KPNA3: variants seen among roughly 807,000 people sequenced by gnomAD.
KPNA3 encodes the protein karyopherin subunit alpha 3.
KPNA3 carries 13 observed loss-of-function variants against 73.8 expected under a neutral mutation model. The ratio of observed to expected loss-of-function variants is 0.18; its 90% CI spans 0.11 to 0.28. The LOEUF (loss-of-function observed/expected upper bound fraction) is 0.28. Ranked by LOEUF, KPNA3 falls within the 10% of genes least tolerant of loss-of-function variation. The probability of loss-of-function intolerance (pLI) is 1.00; values close to 1 mark genes in which losing one functional copy is unlikely to be tolerated. For missense variants in KPNA3, 360 were observed against 618.1 expected, an observed-to-expected ratio of 0.58 and a Z score of 4.43; for synonymous variants, 186 against 206.9, an observed-to-expected ratio of 0.90 and a Z score of 0.87.
chr13:49,720,034 T>A (rs942914574), intron 9 of KPNA3, among the ~76,000 whole-genome samples: 5 of 152,160 alleles, frequency 3.3e-5, no homozygotes, highest in African/African-American at 1.2e-4. Context: ...TATGTTCAAT[T>A]AACAAGTTAA....
intron 1 of KPNA3, among the ~76,000 whole-genome samples, chr13:49,757,673 G>A (rs575230602): frequency 6.6e-6 from 1 of 151,600 alleles, no homozygotes; most frequent in South Asian, 2.1e-4. Context: ...ATTTATATGA[G>A]ATAAATGAAA....
At chr13:49,777,452 T>C (rs1412833340) in intron 1 of KPNA3, among the ~76,000 whole-genome samples, 1 of 152,206 alleles carries the variant, frequency 6.6e-6, no homozygotes, top group Non-Finnish European at 1.5e-5. Flanking sequence ...ATCTCTAGAT[T>C]ACTTATAATA....
At chr13:49,710,108 C>T (rs1386907556) in intron 11 of KPNA3, among the ~76,000 whole-genome samples, 1 of 152,020 alleles carries the variant, frequency 6.6e-6, no homozygotes, top group Non-Finnish European at 1.5e-5. Flanking sequence ...ACTAGAAATA[C>T]AAAAATTAGC....
At position 49,792,547 on chromosome 13, in the gene KPNA3, G is replaced by GGCGGCGGCTACTCCTGCGGCTGCT; in HGVS notation, c.-42_-41insAGCAGCCGCAGGAGTAGCCGCCGC. 4.1e-6 allele frequency: 5 copies of GGCGGCGGCTACTCCTGCGGCTGCT among 1,226,538 alleles called. No homozygotes were observed. The highest frequency in any genetic ancestry group is 5.7e-6 in the Non-Finnish European group (5 of 876,952). 76.0% of individuals were successfully genotyped at this position (1,226,538 alleles called of 1,614,324 possible). ...CGGCGGCGGCTACTCCTGCGGCTGC[G>GGCGGCGGCTACTCCTGCGGCTGCT]GCGGCGGCGGCGGCGAATCTTGGAG... On this transcript the variant is annotated 5_prime_UTR_variant, in exon 1 of 17. Transcript: ENST00000261667.
At chr13:49,718,172 ACTTAT>A (rs1002123731) in intron 10 of KPNA3, among the ~76,000 whole-genome samples, 2 of 152,126 alleles carry the variant, frequency 1.3e-5, no homozygotes, top group African/African-American at 4.8e-5. Context: ...GAAGAATAAA[ACTTAT>A]CTTACAAGGA....
At chr13:49,743,331 G>C (rs1020056612) in intron 2 of KPNA3, among the ~76,000 whole-genome samples, 10 of 152,120 alleles carry the variant, frequency 6.6e-5, no homozygotes, top group African/African-American at 1.9e-4. Context: ...ACCATAAAGA[G>C]TGGAAGAATC....
rs1001450952 is a variant in KPNA3 at position 49,700,500 on chromosome 13, G to A, written c.*1300C>T. The A allele has an allele frequency of 1.3e-5, 2 of 152,518 alleles. No homozygotes were observed. Among genetic ancestry groups the A allele is most frequent in the Non-Finnish European group, 2.9e-5 (2 of 68,010 alleles). 9.4% of individuals were successfully genotyped at this position (152,518 alleles called of 1,614,324 possible). ...AGCAATAACTTGACATAGTAATACC[G>A]GATTTTGCAGAATTACTTAGAGATC... On this transcript the variant is annotated 3_prime_UTR_variant, in exon 17 of 17. Coordinates refer to ENST00000261667, the MANE Select transcript of KPNA3 (RefSeq NM_002267.4).
chr13:49,790,262 T>TTG (rs1955021738), intron 1 of KPNA3, among the ~76,000 whole-genome samples: 1 of 151,878 alleles, frequency 6.6e-6, no homozygotes. Context: ...AGCCCAGGAG[T>TTG]TCAAGACAAG....
At chr13:49,702,820 G>C (rs1301134914) in intron 15 of KPNA3, among the ~76,000 whole-genome samples, 2 of 152,170 alleles carry the variant, frequency 1.3e-5, no homozygotes, top group Non-Finnish European at 2.9e-5. Context: ...GTTTGTGACA[G>C]TACTAGAACC....
chr13:49,761,242 C>T (rs1033809653), intron 1 of KPNA3, among the ~76,000 whole-genome samples: 6 of 151,722 alleles, frequency 4.0e-5, no homozygotes, highest in Non-Finnish European at 7.4e-5. Flanking sequence ...TCTCCCTCTC[C>T]CCACAGTCTC....
At chr13:49,743,160 T>C (rs1037583362) in intron 2 of KPNA3, among the ~76,000 whole-genome samples, 2 of 152,120 alleles carry the variant, frequency 1.3e-5, no homozygotes, top group East Asian at 1.9e-4. Flanking sequence ...TGAGTTACAA[T>C]TGACAGATGA....
chr13:49,730,129 T>A lies in KPNA3; in HGVS notation c.383+2242A>T, dbSNP rs533231620. Among the ~76,000 whole-genome samples the A allele has an allele frequency of 2.0e-5, 3 of 152,340 alleles. No individual in the cohort carries two copies. In the South Asian group the frequency reaches 6.2e-4, roughly 32 times the overall value. On this transcript the variant is annotated intron_variant, in intron 6 of 16. Coordinates refer to ENST00000261667, the MANE Select transcript of KPNA3 (RefSeq NM_002267.4). ...TCATTAAGCTGTATATATTTTAGCATATTTTTCTGTATTATATGTTATGTT... is the reference window on the plus strand; with the variant it reads ...TCATTAAGCTGTATATATTTTAGCAAATTTTTCTGTATTATATGTTATGTT...
chr13:49,789,671 A>G (rs1773297668), intron 1 of KPNA3, among the ~76,000 whole-genome samples: 1 of 152,256 alleles, frequency 6.6e-6, no homozygotes, highest in East Asian at 1.9e-4. Context: ...AATGGACAAG[A>G]CTAAGCATGG....
chr13:49,759,765 C>T (rs1425574180), intron 1 of KPNA3, among the ~76,000 whole-genome samples: 1 of 152,196 alleles, frequency 6.6e-6, no homozygotes, highest in Non-Finnish European at 1.5e-5. Flanking sequence ...ACAGATGAAG[C>T]TTCACTTGCT....
chr13:49,705,838 T>C lies in KPNA3; in HGVS notation c.1210-55A>G, dbSNP rs1281914715. 26 of 1,415,090 alleles carry C rather than the reference T, an allele frequency of 1.8e-5. 1 individual carries two copies. In the South Asian group the frequency reaches 2.5e-4, roughly 14 times the overall value. 87.7% of individuals were successfully genotyped at this position (1,415,090 alleles called of 1,614,324 possible). ...ATTTATATAATTATCTATTTCCCAG[T>C]AGGGTGTCGTGCTACATGGAAGGCT... On this transcript the variant is annotated intron_variant, in intron 14 of 16. Transcript: ENST00000261667.
intron 1 of KPNA3, among the ~76,000 whole-genome samples, chr13:49,789,754 G>GTC (rs924293019): frequency 1.3e-5 from 2 of 151,952 alleles, no homozygotes. Context: ...TTACCCTTTA[G>GTC]TCTCTCTCTC....
intron 1 of KPNA3, among the ~76,000 whole-genome samples, chr13:49,755,822 T>C (rs1247158565): frequency 6.6e-6 from 1 of 152,068 alleles, no homozygotes; most frequent in Non-Finnish European, 1.5e-5. Context: ...AAACAATCAA[T>C]TATTTGCAGA....
chr13:49,775,258 C>T (rs1015319612), intron 1 of KPNA3, among the ~76,000 whole-genome samples: 1 of 151,014 alleles, frequency 6.6e-6, no homozygotes, highest in African/African-American at 2.4e-5. Flanking sequence ...AATTTATTAC[C>T]AGGAGAGAAA....
chr13:49,701,563 T>G lies in KPNA3; in HGVS notation c.*237A>C. ...AGGGAACAGGGAAAAATAGGGTAGT[T>G]GAGATTGTTAAGGAGAGTTCTAAAA... On this transcript the variant is annotated 3_prime_UTR_variant, in exon 17 of 17. Transcript: ENST00000261667. The G allele has an allele frequency of 7.1e-5, 43 of 607,076 alleles. No individual in the cohort carries two copies. Among genetic ancestry groups the G allele is most frequent in the Middle Eastern group, 2.7e-4 (1 of 3,764 alleles). The allele number at this position is 607,076 out of a possible 1,614,324, so 37.6% of individuals were successfully genotyped here.
Sources: allele counts gnomAD v4.1 joint callset (sites outside exome capture counted in the v4.1 genomes callset), GRCh38; gene constraint gnomAD v4.1.1; transcripts MANE v1.5; gene names NCBI Gene and HGNC (gene_info 2026-07-23, HGNC 2026-07-21).